The following BMP8A variants were observed in gnomAD, a reference collection of about 807,000 sequenced individuals.
BMP8A encodes the protein bone morphogenetic protein 8a.
In BMP8A, 14 loss-of-function variants were observed where a neutral mutation model predicts 36.8. That is an observed-to-expected ratio of 0.38 (90% CI 0.25 to 0.60). The LOEUF (loss-of-function observed/expected upper bound fraction) is 0.60, where lower values mean the gene tolerates loss of function less well. Among genes scored for constraint, BMP8A ranks in the 20% least tolerant of loss-of-function variants. BMP8A has a pLI of 0.63. For missense variants in BMP8A, 267 were observed against 551.1 expected, an observed-to-expected ratio of 0.48 and a Z score of 5.16; for synonymous variants, 120 against 237.7, an observed-to-expected ratio of 0.50 and a Z score of 4.55.
rs575308564 is a variant in BMP8A, at chr1:39,503,006, A to T, written c.335-8168A>T. Among the ~76,000 whole-genome samples the T allele has an allele frequency of 2.0e-5, 3 of 152,340 alleles. No homozygotes were observed. In the East Asian group the frequency reaches 5.8e-4, roughly 29 times the overall value. ...GGTTGCAGTGAGCCAAGATCATGTC[A>T]TTGCACTCCAGCCTGGGCAACAGAG... On this transcript the variant is annotated intron_variant, in intron 1 of 6. Transcript: ENST00000331593.
intron 1 of BMP8A, among the ~76,000 whole-genome samples, chr1:39,494,152 T>G (rs999720437): frequency 6.6e-6 from 1 of 152,232 alleles, no homozygotes; most frequent in Non-Finnish European, 1.5e-5. Context: ...TGGGCACTGT[T>G]GGCCTCCCAG....
At chr1:39,522,742 A>C (rs1306333993) in intron 5 of BMP8A, among the ~76,000 whole-genome samples, 3 of 152,070 alleles carry the variant, frequency 2.0e-5, no homozygotes, top group Admixed American at 1.3e-4. Context: ...AGGGTAACTG[A>C]GACCTCCCTG....
rs1189755706 is a variant in BMP8A at position 39,529,717 on chromosome 1, C to CTT, written c.*3920_*3921dup. 1.3e-5 allele frequency among the ~76,000 whole-genome samples: 2 copies of CTT among 152,226 alleles called. No homozygotes were observed. The highest frequency in any genetic ancestry group is 2.4e-5 in the African/African-American group (1 of 41,452). ...TTCATAATTCCTTCCAGTCTTCTTA[C>CTT]TTGGCACATATACATTTGTCTTTCT... On this transcript the variant is annotated 3_prime_UTR_variant, in exon 7 of 7. Coordinates refer to ENST00000331593, the MANE Select transcript of BMP8A (RefSeq NM_181809.4).
In BMP8A at chr1:39,525,298, A is replaced by G. The variant is rs116184435; in HGVS notation, c.1060-351A>G. The G allele has an allele frequency of 9.5e-3, 2,411 of 253,944 alleles. 45 individuals are homozygous for G. Among genetic ancestry groups the G allele is most frequent in the African/African-American group, 0.05 (2,222 of 44,800 alleles). The allele number at this position is 253,944 out of a possible 1,614,324, so 15.7% of individuals were successfully genotyped here. The stretch of plus-strand genomic sequence containing the variant: ...GGTCCTTCCAGGTTCCCCCTTGGGG[A>G]CCTCACTAAGGGCACAAACCTGGCC... On this transcript the variant is annotated intron_variant, in intron 6 of 6. Coordinates refer to ENST00000331593, the MANE Select transcript of BMP8A (RefSeq NM_181809.4).
chr1:39,519,530 C>T (rs1291051187), intron 3 of BMP8A, among the ~76,000 whole-genome samples: 12 of 146,032 alleles, frequency 8.2e-5, no homozygotes, highest in African/African-American at 2.5e-4. Context: ...TGTCCATGCT[C>T]GTGAGAGGGA....
rs766129254 is a variant in BMP8A, at chr1:39,525,875, C to A, written c.*77C>A. ...TGCAGAGGCAGAAAACCCTTAAATG[C>A]TGTCACAGCTCAAGCAGGAGTGTCA... On this transcript the variant is annotated 3_prime_UTR_variant, in exon 7 of 7. Coordinates refer to ENST00000331593, the MANE Select transcript of BMP8A (RefSeq NM_181809.4). 6 of 1,590,866 alleles carry A rather than the reference C, an allele frequency of 3.8e-6. No individual in the cohort carries two copies. The highest frequency in any genetic ancestry group is 5.1e-6 in the Non-Finnish European group (6 of 1,170,400).
chr1:39,508,009 T>C (rs1470344691), intron 1 of BMP8A, among the ~76,000 whole-genome samples: 2 of 152,150 alleles, frequency 1.3e-5, no homozygotes, highest in Non-Finnish European at 2.9e-5. Flanking sequence ...CCCAGCACTT[T>C]GGGAGGCCGA....
intron 3 of BMP8A, among the ~76,000 whole-genome samples, chr1:39,517,752 G>A (rs1336489479): frequency 1.3e-5 from 2 of 152,054 alleles, no homozygotes; most frequent in East Asian, 1.9e-4. Flanking sequence ...CTAGATGTCC[G>A]TAGAAGGAAA....
chr1:39,522,814 G>A (rs1403582903), intron 5 of BMP8A, among the ~76,000 whole-genome samples, 193 bp from the exon 6 acceptor site: 1 of 147,886 alleles, frequency 6.8e-6, no homozygotes, highest in East Asian at 1.9e-4. Context: ...GGGAGGGCCG[G>A]CTGGGGAGGG....
chr1:39,493,656 C>A (rs570608353), intron 1 of BMP8A, among the ~76,000 whole-genome samples: 2 of 152,364 alleles, frequency 1.3e-5, no homozygotes, highest in Non-Finnish European at 2.9e-5. Context: ...AGAAGGCAGC[C>A]ATTCACCATC....
chr1:39,503,662 A>C (rs1323531546), intron 1 of BMP8A, among the ~76,000 whole-genome samples: 1 of 151,878 alleles, frequency 6.6e-6, no homozygotes. Context: ...CTACAGGCAC[A>C]CACCACTATA....
At position 39,527,114 on chromosome 1, in the gene BMP8A, T is replaced by A. The variant is rs1268069290; in HGVS notation, c.*1316T>A. On this transcript the variant is annotated 3_prime_UTR_variant, in exon 7 of 7. Coordinates refer to ENST00000331593, the MANE Select transcript of BMP8A (RefSeq NM_181809.4). The stretch of plus-strand genomic sequence containing the variant: ...AGTGTTTGCTTGTGTCTAGGAGTTA[T>A]GAACAAGCTGGCCACCAAAATTGGC... 6.6e-6 allele frequency among the ~76,000 whole-genome samples: 1 copy of A among 152,188 alleles called. No individual in the cohort carries two copies. The highest frequency in any genetic ancestry group is 1.5e-5 in the Non-Finnish European group (1 of 68,032).
In BMP8A at chr1:39,529,203, A is replaced by G. The variant is rs1645511701; in HGVS notation, c.*3405A>G. ...AGCAATTCTGAGCAGGCTCATTTTA[A>G]AGGGACTTGCAAATTTGGGCGTTCC... On this transcript the variant is annotated 3_prime_UTR_variant, in exon 7 of 7. Transcript: ENST00000331593. The G allele has an allele frequency of 6.6e-6, 1 of 152,230 alleles. No individual in the cohort carries two copies. The highest frequency in any genetic ancestry group is 6.5e-5 in the Admixed American group (1 of 15,282). 9.4% of individuals were successfully genotyped at this position (152,230 alleles called of 1,614,324 possible). A position where few individuals can be genotyped will look rare whatever the true frequency, so the allele number is the denominator to read the frequency against.
In BMP8A at chr1:39,525,721, C is replaced by T. The variant is rs777174546; in HGVS notation, c.1132C>T (p.Leu378Phe). ...CACCAAGCTGAGCGCCACCTCTGTG[C>T]TCTACTATGACAGCAGCAACAACGT... ...APTKLSATSV[L>F]YYDSSNNVIL... Residue 378 changes from leucine (L) to phenylalanine (F), a missense_variant, in exon 7 of 7, where the codon CTC becomes TTC. By Grantham distance (22) the Leu-to-Phe change is conservative (BLOSUM62 0). Around this residue, in one of 7 missense-constraint regions of BMP8A, gnomAD observed 132 missense variants for 151.3 expected, o/e 0.87. Transcript: ENST00000331593. 2.7e-5 allele frequency: 44 copies of T among 1,614,102 alleles called. No homozygotes were observed. The highest frequency in any genetic ancestry group is 3.6e-5 in the Non-Finnish European group (43 of 1,180,044).
At chr1:39,515,644 T>C (rs1645389282) in intron 3 of BMP8A, 1 of 1,571,850 alleles carries the variant, frequency 6.4e-7, no homozygotes, top group Non-Finnish European at 8.7e-7. Flanking sequence ...GCCCGCAATT[T>C]CAACGTGCCC....
chr1:39,499,738 G>A lies in BMP8A; in HGVS notation c.334+7413G>A, dbSNP rs562395846. ...TTTATTTTCCCAGAGCCACGGTGAGGTGGTTCAGAAAGTAACCTTTTCTGC... is the reference window on the plus strand; with the variant it reads ...TTTATTTTCCCAGAGCCACGGTGAGATGGTTCAGAAAGTAACCTTTTCTGC... On this transcript the variant is annotated intron_variant, in intron 1 of 6. Coordinates refer to ENST00000331593, the MANE Select transcript of BMP8A (RefSeq NM_181809.4). 3.3e-5 allele frequency among the ~76,000 whole-genome samples: 5 copies of A among 152,300 alleles called. No homozygotes were observed. The South Asian group carries it at 1.0e-3, about 32-fold the overall frequency.
Position 39,492,221 on chromosome 1 carries a change from TG to T in BMP8A, c.231del (p.Met77IlefsTer30). ...CTGCCCGCGTCCGCGCCGCTCTTCA[TG>T]CTGGACCTGTACCACGCCATGGCTG... ...SRLPASAPLF[M>X]LDLYHAMAGD... On this transcript the variant is annotated frameshift_variant, in exon 1 of 7. Coordinates refer to ENST00000331593, the MANE Select transcript of BMP8A (RefSeq NM_181809.4). LOFTEE classifies it high-confidence loss of function. The T allele has an allele frequency of 6.6e-7, 1 of 1,518,004 alleles. No individual in the cohort carries two copies. Among genetic ancestry groups the T allele is most frequent in the Admixed American group, 2.1e-5 (1 of 47,590 alleles). The allele number at this position is 1,518,004 out of a possible 1,614,324, so 94.0% of individuals were successfully genotyped here. A position where few individuals can be genotyped will look rare whatever the true frequency, so the allele number is the denominator to read the frequency against.
intron 1 of BMP8A, among the ~76,000 whole-genome samples, chr1:39,495,144 C>T (rs933760385): frequency 2.0e-5 from 3 of 152,188 alleles, no homozygotes; most frequent in Non-Finnish European, 4.4e-5. Flanking sequence ...TCACTGCCCA[C>T]ACCCAGGCTC....
chr1:39,492,679 T>A (rs76058765), intron 1 of BMP8A, among the ~76,000 whole-genome samples: 5,989 of 152,314 alleles, frequency 0.039, 398 homozygotes, highest in East Asian at 0.33. Context: ...GCCGGGATGC[T>A]GTCACTGTGA....
Sources: gnomAD v4.1 joint callset for allele counts (sites outside exome capture counted in the v4.1 genomes callset) on GRCh38, gnomAD v4.1.1 for gene constraint, gnomAD v4.1.1 regional missense constraint, MANE v1.5 for transcripts, NCBI Gene and HGNC (gene_info 2026-07-23, HGNC 2026-07-21) for gene names.